The following SLC1A3 variants were observed in gnomAD, a reference collection of about 807,000 sequenced individuals.
SLC1A3 encodes solute carrier family 1 member 3, also known as excitatory amino acid transporter 1.
Under a neutral mutation model 48.1 loss-of-function variants are expected in SLC1A3, and 21 were observed. The observed-to-expected ratio is 0.44, with a 90% CI of 0.31 to 0.63. SLC1A3 has a LOEUF of 0.63. SLC1A3 is among the 20% of genes least tolerant of loss of function. The pLI, the probability that SLC1A3 is intolerant of heterozygous loss-of-function variation, is 0.08. For missense variants in SLC1A3, 546 were observed against 689.0 expected (o/e 0.79, Z 2.32); for synonymous variants, 239 against 251.4 (o/e 0.95, Z 0.47).
intron 2 of SLC1A3, among the ~76,000 whole-genome samples, chr5:36,618,039 T>C (rs1739518034): frequency 6.6e-6 from 1 of 152,180 alleles, no homozygotes; most frequent in Non-Finnish European, 1.5e-5. Flanking sequence ...CTGCCAAAGG[T>C]AAGCATGAGT....
intron 2 of SLC1A3, among the ~76,000 whole-genome samples, chr5:36,613,965 C>T (rs1050857535): frequency 5.3e-5 from 8 of 152,212 alleles, no homozygotes; most frequent in Non-Finnish European, 8.8e-5. Context: ...AGCCCTCTCC[C>T]ACCTTCTCCA....
At chr5:36,630,655 T>C (rs1740100845) in intron 3 of SLC1A3, among the ~76,000 whole-genome samples, 1 of 152,224 alleles carries the variant, frequency 6.6e-6, no homozygotes, top group Admixed American at 6.5e-5. Flanking sequence ...CTCTGTGTAA[T>C]GAGAACTTCA....
chr5:36,679,238 G>C (rs1742332397), intron 6 of SLC1A3, among the ~76,000 whole-genome samples: 1 of 152,158 alleles, frequency 6.6e-6, no homozygotes, highest in East Asian at 1.9e-4. Flanking sequence ...AGGAGGCAGA[G>C]GGAGTGAGTG....
intron 3 of SLC1A3, among the ~76,000 whole-genome samples, chr5:36,654,655 C>G (rs1455383980): frequency 6.6e-6 from 1 of 152,180 alleles, no homozygotes; most frequent in Non-Finnish European, 1.5e-5. Flanking sequence ...CGAGCATCTG[C>G]CATATGTCTT....
intron 2 of SLC1A3, among the ~76,000 whole-genome samples, chr5:36,628,890 T>C (rs1365798596): frequency 6.6e-6 from 1 of 152,102 alleles, no homozygotes; most frequent in Non-Finnish European, 1.5e-5. Context: ...ACCAAGGCAA[T>C]GTCAAGACCA....
intron 2 of SLC1A3, among the ~76,000 whole-genome samples, chr5:36,628,826 GC>G: frequency 2.0e-5 from 3 of 152,242 alleles, no homozygotes; most frequent in Admixed American, 2.0e-4. Flanking sequence ...GAAAATCTCT[GC>G]TCATTTTGGA....
At chr5:36,680,925 A>G (rs1742420108) in intron 8 of SLC1A3, among the ~76,000 whole-genome samples, 1 of 152,098 alleles carries the variant, frequency 6.6e-6, no homozygotes, top group Non-Finnish European at 1.5e-5. Flanking sequence ...CAAAAAAAAA[A>G]AAAAAAGAAT....
chr5:36,667,041 A>G (rs1457866642), intron 3 of SLC1A3, among the ~76,000 whole-genome samples: 1 of 152,224 alleles, frequency 6.6e-6, no homozygotes, highest in Non-Finnish European at 1.5e-5. Context: ...TCTGATGCTT[A>G]ACTCATTGTT....
intron 3 of SLC1A3, among the ~76,000 whole-genome samples, chr5:36,642,330 A>T (rs976700977): frequency 1.3e-5 from 2 of 152,200 alleles, no homozygotes; most frequent in African/African-American, 4.8e-5. Context: ...TATGTGAAGG[A>T]TGCATTTCTA....
intron 2 of SLC1A3, among the ~76,000 whole-genome samples, chr5:36,621,818 C>A (rs1739686156): frequency 6.6e-6 from 1 of 152,092 alleles, no homozygotes; most frequent in East Asian, 1.9e-4. Flanking sequence ...CCTCTAACTG[C>A]CGTGTATAGC....
At chr5:36,611,272 G>A (rs954457730) in intron 2 of SLC1A3, among the ~76,000 whole-genome samples, 2 of 95,088 alleles carry the variant, frequency 2.1e-5, no homozygotes, top group Non-Finnish European at 4.0e-5. Flanking sequence ...GGTTTTTATT[G>A]CTTTTAGTAA....
chr5:36,601,559 T>C (rs1738807770), upstream of SLC1A3, among the ~76,000 whole-genome samples: 1 of 152,160 alleles, frequency 6.6e-6, no homozygotes. Context: ...AACCTGAACT[T>C]GGCACTAAGG....
intron 2 of SLC1A3, among the ~76,000 whole-genome samples, chr5:36,614,101 T>C (rs1739327763): frequency 6.6e-6 from 1 of 152,240 alleles, no homozygotes; most frequent in South Asian, 2.1e-4. Context: ...TGAGCCTCTG[T>C]TTCTTCATGT....
At chr5:36,624,869 C>G (rs181932328) in intron 2 of SLC1A3, among the ~76,000 whole-genome samples, 43 of 152,260 alleles carry the variant, frequency 2.8e-4, no homozygotes, top group African/African-American at 9.9e-4. Context: ...GTAAGAAGAC[C>G]TGTAAAGGGT....
rs75886673 is a variant in SLC1A3 at position 36,642,574 on chromosome 5, A to T, written c.319+12987A>T. Among the ~76,000 whole-genome samples, 5 of 152,364 alleles carry T rather than the reference A, an allele frequency of 3.3e-5. No homozygotes were observed. The East Asian group carries it at 9.6e-4, about 29-fold the overall frequency. On this transcript the variant is annotated intron_variant, in intron 3 of 9. Transcript: ENST00000265113. Reference sequence around the variant, plus strand: ...AGGTTTATTGAGATATAACTCACATACATGCAATTTACCCATTTAAAGTGT... The same window carrying T: ...AGGTTTATTGAGATATAACTCACATTCATGCAATTTACCCATTTAAAGTGT...
At chr5:36,623,050 T>C (rs1314929633) in intron 2 of SLC1A3, among the ~76,000 whole-genome samples, 4 of 151,660 alleles carry the variant, frequency 2.6e-5, no homozygotes, top group Non-Finnish European at 5.9e-5. Flanking sequence ...TGTTTGTTGT[T>C]AGGAAAACAA....
At chr5:36,685,080 T>C (rs1241167147) in intron 9 of SLC1A3, among the ~76,000 whole-genome samples, 1 of 152,236 alleles carries the variant, frequency 6.6e-6, no homozygotes, top group African/African-American at 2.4e-5. Flanking sequence ...TTGTATCTAT[T>C]CATATTTATC....
chr5:36,646,235 G>A (rs1740835062), intron 3 of SLC1A3, among the ~76,000 whole-genome samples: 1 of 152,190 alleles, frequency 6.6e-6, no homozygotes, highest in South Asian at 2.1e-4. Context: ...TTGGTCTGAC[G>A]AAGGACAATC....
intron 3 of SLC1A3, among the ~76,000 whole-genome samples, chr5:36,664,162 C>T (rs528834270): frequency 4.6e-5 from 7 of 152,292 alleles, no homozygotes; most frequent in East Asian, 3.9e-4. Context: ...GACAGAGTTT[C>T]GCTCTTTTTT....
Sources: gnomAD v4.1 joint callset for allele counts (sites outside exome capture counted in the v4.1 genomes callset) on GRCh38, gnomAD v4.1.1 for gene constraint, MANE v1.5 for transcripts, NCBI Gene and HGNC (gene_info 2026-07-23, HGNC 2026-07-21) for gene names.